The following MAP2 variants were observed in gnomAD, a reference collection of about 807,000 sequenced individuals.
MAP2 encodes microtubule associated protein 2.
A neutral mutation model predicts 137.6 loss-of-function variants in MAP2; 14 were observed. The observed-to-expected ratio is 0.10, with a 90% CI of 0.07 to 0.16. The LOEUF (loss-of-function observed/expected upper bound fraction) is 0.16. Among genes scored for constraint, MAP2 ranks in the 10% least tolerant of loss-of-function variants. MAP2 has a pLI of 1.00. For synonymous variants in MAP2, 786 were observed against 782.3 expected (o/e 1.00, Z -0.08); for missense variants, 2,088 against 2,191.5 (o/e 0.95, Z 0.94).
intron 4 of MAP2, among the ~76,000 whole-genome samples, chr2:209,642,051 G>A (rs567117946): frequency 9.9e-5 from 15 of 152,242 alleles, no homozygotes; most frequent in African/African-American, 3.6e-4. Context: ...GATCTCTCTG[G>A]AAGTGTCTAA....
chr2:209,587,065 G>A (rs2077936129), intron 3 of MAP2, among the ~76,000 whole-genome samples: 1 of 152,078 alleles, frequency 6.6e-6, no homozygotes. Flanking sequence ...GCCATATAAT[G>A]AATTTCGGTG....
At chr2:209,471,827 A>AT (rs1246323582) in intron 1 of MAP2, among the ~76,000 whole-genome samples, 2 of 152,186 alleles carry the variant, frequency 1.3e-5, no homozygotes, top group Non-Finnish European at 2.9e-5. Context: ...GGTCAAATAT[A>AT]TGTAAACCTG....
At chr2:209,660,360 G>C (rs1341521968) in intron 5 of MAP2, among the ~76,000 whole-genome samples, 1 of 144,900 alleles carries the variant, frequency 6.9e-6, no homozygotes, top group African/African-American at 2.5e-5. Flanking sequence ...CCAACACTCA[G>C]TTATATACAT....
chr2:209,439,436 T>C (rs1490084369), intron 1 of MAP2, among the ~76,000 whole-genome samples: 2 of 151,576 alleles, frequency 1.3e-5, no homozygotes, highest in Non-Finnish European at 3.0e-5. Context: ...AAAAAAAATC[T>C]AAGTTGAAAC....
At chr2:209,515,349 A>G (rs547017893) in intron 2 of MAP2, among the ~76,000 whole-genome samples, 12 of 152,190 alleles carry the variant, frequency 7.9e-5, no homozygotes, top group Admixed American at 2.6e-4. Context: ...CCATTTTCAC[A>G]CTGCTATGAA....
intron 3 of MAP2, among the ~76,000 whole-genome samples, chr2:209,618,465 C>T (rs2090187853): frequency 6.6e-6 from 1 of 152,092 alleles, no homozygotes; most frequent in Non-Finnish European, 1.5e-5. Flanking sequence ...TGTGGTATCC[C>T]GGCAAGATAA....
intron 4 of MAP2, among the ~76,000 whole-genome samples, chr2:209,635,518 G>A (rs1220406286): frequency 6.6e-6 from 1 of 152,082 alleles, no homozygotes; most frequent in Non-Finnish European, 1.5e-5. Context: ...GTGATATTTT[G>A]TATTTGCTCC....
chr2:209,586,574 T>A (rs2077784490), intron 3 of MAP2, among the ~76,000 whole-genome samples: 1 of 152,058 alleles, frequency 6.6e-6, no homozygotes, highest in South Asian at 2.1e-4. Flanking sequence ...GGCTAACAAA[T>A]AAAATTAAAA....
At chr2:209,465,236 A>G (rs1332178442) in intron 1 of MAP2, among the ~76,000 whole-genome samples, 3 of 152,278 alleles carry the variant, frequency 2.0e-5, no homozygotes, top group South Asian at 4.1e-4. Flanking sequence ...GGAAAATAAT[A>G]TAAATGACAT....
Position 209,527,833 on chromosome 2 carries a change from G to A in MAP2, c.-172+20192G>A, listed in dbSNP as rs568101726. Among the ~76,000 whole-genome samples, 6 of 152,294 alleles carry A rather than the reference G, an allele frequency of 3.9e-5. No individual in the cohort carries two copies. The South Asian group carries it at 6.2e-4, about 16-fold the overall frequency. On this transcript the variant is annotated intron_variant, in intron 2 of 15. Transcript: ENST00000682079. ...GTGTGGCTGCAGCTCGGTAACCTGC[G>A]TTTTGTCAAGTCTTCCAAGTAATTC...
At chr2:209,493,252 T>C (rs2059353294) in intron 1 of MAP2, among the ~76,000 whole-genome samples, 1 of 152,176 alleles carries the variant, frequency 6.6e-6, no homozygotes, top group African/African-American at 2.4e-5. Context: ...ACTGGACCCC[T>C]TCGTTACACT....
At chr2:209,512,556 T>TACACACACAC (rs150144839) in intron 2 of MAP2, among the ~76,000 whole-genome samples, 2 of 144,852 alleles carry the variant, frequency 1.4e-5, no homozygotes, top group African/African-American at 5.1e-5. Flanking sequence ...CCAGAAGTTA[T>TACACACACAC]ACACACACAC....
intron 13 of MAP2, among the ~76,000 whole-genome samples, chr2:209,721,153 G>A (rs552792927): frequency 2.0e-5 from 3 of 152,224 alleles, no homozygotes; most frequent in East Asian, 3.9e-4. Flanking sequence ...CGGAATAGGC[G>A]AACATTCAGG....
intron 1 of MAP2, among the ~76,000 whole-genome samples, chr2:209,428,935 A>C (rs1393392422): frequency 3.2e-5 from 1 of 30,924 alleles, no homozygotes; most frequent in East Asian, 3.1e-4. Flanking sequence ...TTATTTATTT[A>C]TTTATTTATT....
chr2:209,605,608 C>T (rs990743471), intron 3 of MAP2, among the ~76,000 whole-genome samples: 1 of 152,122 alleles, frequency 6.6e-6, no homozygotes, highest in East Asian at 1.9e-4. Context: ...TCCTTTATGC[C>T]ACCTTTGGCT....
chr2:209,611,081 C>T (rs1430565562), intron 3 of MAP2, among the ~76,000 whole-genome samples: 2 of 152,108 alleles, frequency 1.3e-5, no homozygotes, highest in Non-Finnish European at 2.9e-5. Context: ...TATTTGGTCA[C>T]TTTTTATACT....
chr2:209,431,605 T>A (rs1694306207), intron 1 of MAP2, among the ~76,000 whole-genome samples: 1 of 152,112 alleles, frequency 6.6e-6, no homozygotes. Context: ...CAGTGACCAT[T>A]TAAGTGACTT....
intron 2 of MAP2, among the ~76,000 whole-genome samples, chr2:209,512,556 TACAC>T (rs150144839): frequency 0.042 from 6,049 of 144,806 alleles, 335 homozygotes; most frequent in African/African-American, 0.13. Context: ...CCAGAAGTTA[TACAC>T]ACACACACAC....
chr2:209,660,504 C>T (rs2042962716), intron 5 of MAP2, among the ~76,000 whole-genome samples: 1 of 147,858 alleles, frequency 6.8e-6, no homozygotes, highest in Non-Finnish European at 1.5e-5. Context: ...CGCCATTCTC[C>T]CGCCTCAGCC....
Sources: gnomAD v4.1 joint callset for allele counts (sites outside exome capture counted in the v4.1 genomes callset) on GRCh38, gnomAD v4.1.1 for gene constraint, MANE v1.5 for transcripts, NCBI Gene and HGNC (gene_info 2026-07-23, HGNC 2026-07-21) for gene names.